FOXP1: variants seen among roughly 807,000 people sequenced by gnomAD.
FOXP1 encodes the protein forkhead box P1, also known as forkhead box protein P1.
Under a neutral mutation model 98.2 loss-of-function variants are expected in FOXP1, and 15 were observed. The observed-to-expected ratio is 0.15, with a 90% CI of 0.10 to 0.24. The LOEUF (loss-of-function observed/expected upper bound fraction) is 0.24, where lower values mean the gene tolerates loss of function less well. Ranked by LOEUF, FOXP1 falls within the 10% of genes least tolerant of loss-of-function variation. The pLI, the probability that FOXP1 is intolerant of heterozygous loss-of-function variation, is 1.00. For synonymous variants in FOXP1, 371 were observed against 314.5 expected (o/e 1.18, Z -1.90); for missense variants, 633 against 848.5 (o/e 0.75, Z 3.15).
At chr3:71,551,597 T>C (rs971178771) in intron 2 of FOXP1, among the ~76,000 whole-genome samples, 2 of 152,232 alleles carry the variant, frequency 1.3e-5, no homozygotes, top group Admixed American at 6.5e-5. Context: ...ACTTCTGGCA[T>C]ATGAAACAAA....
intron 2 of FOXP1, among the ~76,000 whole-genome samples, chr3:71,499,425 TAC>T (rs904368417): frequency 6.6e-6 from 1 of 152,266 alleles, no homozygotes; most frequent in Non-Finnish European, 1.5e-5. Flanking sequence ...CGTATGTATA[TAC>T]ACACACATAT....
chr3:71,271,959 G>A (rs1241472707), intron 5 of FOXP1, among the ~76,000 whole-genome samples: 1 of 152,194 alleles, frequency 6.6e-6, no homozygotes, highest in Non-Finnish European at 1.5e-5. Context: ...CAGGGGCGAT[G>A]AATACATATA....
At chr3:71,387,020 C>T (rs2080642665) in intron 3 of FOXP1, among the ~76,000 whole-genome samples, 1 of 152,134 alleles carries the variant, frequency 6.6e-6, no homozygotes. Context: ...TTGTTCATTG[C>T]TCTGAGCACC....
In FOXP1 at chr3:70,978,001, G is replaced by A; in HGVS notation, c.1175C>T (p.Ser392Phe). ...PLNLVSSVTLSKSASEASPQS... is the reference protein window; with the variant it reads ...PLNLVSSVTLFKSASEASPQS... ...TGGAGAAGCCTCCGATGCGGACTTG[G>A]AGAGAGTGACACTTGATACCAGATT... Residue 392 changes from serine to phenylalanine, a missense_variant, in exon 15 of 21, where the codon TCC (serine) becomes TTC (phenylalanine). By Grantham distance (155) the Ser-to-Phe change is radical. Transcript: ENST00000649528. 6.2e-7 allele frequency: 1 copy of A among 1,614,090 alleles called. No homozygotes were observed.
intron 6 of FOXP1, among the ~76,000 whole-genome samples, chr3:71,175,539 A>G (rs1187706918): frequency 6.6e-6 from 1 of 152,220 alleles, no homozygotes; most frequent in Non-Finnish European, 1.5e-5. Flanking sequence ...AGAGAGAGAT[A>G]AAGACAGACT....
intron 7 of FOXP1, among the ~76,000 whole-genome samples, chr3:71,057,208 A>G (rs2050769897): frequency 6.9e-6 from 1 of 145,562 alleles, no homozygotes; most frequent in Non-Finnish European, 1.5e-5. Flanking sequence ...AATCAATAGT[A>G]TTTAAAACAG....
intron 5 of FOXP1, among the ~76,000 whole-genome samples, chr3:71,223,945 G>A (rs1301687308): frequency 1.3e-5 from 2 of 152,130 alleles, no homozygotes; most frequent in Non-Finnish European, 2.9e-5. Context: ...GGAGAGTCTA[G>A]GCTTGGATAA....
intron 2 of FOXP1, among the ~76,000 whole-genome samples, chr3:71,526,405 C>T (rs1214507262): frequency 6.6e-6 from 1 of 152,174 alleles, no homozygotes; most frequent in Non-Finnish European, 1.5e-5. Context: ...TACAAACAAT[C>T]CCTGCTGAAA....
At chr3:70,978,140 A>G (rs781124813) in intron 14 of FOXP1, 111 bp from the exon 15 acceptor site, 4 of 832,662 alleles carry the variant, frequency 4.8e-6, no homozygotes, top group Admixed American at 1.9e-5. Flanking sequence ...TTCTTCCTCT[A>G]TGTAGATGGT....
At chr3:70,975,836 A>G (rs2037380831) in intron 17 of FOXP1, among the ~76,000 whole-genome samples, 1 of 152,182 alleles carries the variant, frequency 6.6e-6, no homozygotes, top group Admixed American at 6.5e-5. Flanking sequence ...GTGAGGGATC[A>G]ATCTAATATA....
intron 13 of FOXP1, among the ~76,000 whole-genome samples, chr3:70,992,970 G>A (rs1315813296): frequency 6.6e-6 from 1 of 152,134 alleles, no homozygotes; most frequent in Non-Finnish European, 1.5e-5. Flanking sequence ...GCTCTGTGAG[G>A]CCGCTAGTAT....
intron 6 of FOXP1, among the ~76,000 whole-genome samples, chr3:71,149,466 T>C (rs931901683): frequency 1.3e-5 from 2 of 152,260 alleles, no homozygotes; most frequent in Non-Finnish European, 2.9e-5. Context: ...GCATTTTTAC[T>C]TTATTACTGG....
At chr3:71,179,680 G>A (rs1189731724) in intron 6 of FOXP1, among the ~76,000 whole-genome samples, 1 of 152,122 alleles carries the variant, frequency 6.6e-6, no homozygotes, top group Non-Finnish European at 1.5e-5. Context: ...AATGTTCGAT[G>A]GTGGCAATGA....
At chr3:70,991,052 A>ATTTTTTTTTTTT (rs11373167) in intron 13 of FOXP1, among the ~76,000 whole-genome samples, 1 of 144,784 alleles carries the variant, frequency 6.9e-6, no homozygotes. Flanking sequence ...CAACTTTCTA[A>ATTTTTTTTTTTT]TTTTTTTTTT....
At chr3:71,545,511 T>TC (rs1197107237) in intron 2 of FOXP1, among the ~76,000 whole-genome samples, 1 of 152,232 alleles carries the variant, frequency 6.6e-6, no homozygotes, top group Non-Finnish European at 1.5e-5. Context: ...GGGGTTTTGT[T>TC]TGTTTTTAAA....
chr3:71,112,399 G>T, intron 7 of FOXP1, 137 bp downstream of exon 7: 1 of 722,548 alleles, frequency 1.4e-6, no homozygotes, highest in Non-Finnish European at 2.4e-6. Flanking sequence ...GTTACAACTT[G>T]CTGGTAAACC....
At chr3:71,408,740 C>A (rs1405911283) in intron 3 of FOXP1, among the ~76,000 whole-genome samples, 4 of 152,140 alleles carry the variant, frequency 2.6e-5, no homozygotes, top group African/African-American at 9.7e-5. Context: ...TAAGTAGAGG[C>A]AAGGGGCAGC....
chr3:71,414,563 A>G (rs1357698874), intron 3 of FOXP1, among the ~76,000 whole-genome samples: 1 of 152,246 alleles, frequency 6.6e-6, no homozygotes, highest in Non-Finnish European at 1.5e-5. Flanking sequence ...AATTATTAAA[A>G]GAAGGGAACA....
At chr3:70,980,824 T>C (rs147300314) in intron 14 of FOXP1, among the ~76,000 whole-genome samples, 23 of 152,234 alleles carry the variant, frequency 1.5e-4, no homozygotes, top group South Asian at 4.1e-4. Context: ...CATACGTCAG[T>C]CAAAGGGCAA....
Sources: allele counts gnomAD v4.1 joint callset (sites outside exome capture counted in the v4.1 genomes callset), GRCh38; gene constraint gnomAD v4.1.1; transcripts MANE v1.5; gene names NCBI Gene and HGNC (gene_info 2026-07-23, HGNC 2026-07-21).